Variants in BANK1 observed in about 807,000 individuals in gnomAD.
The protein encoded by BANK1 is B-cell scaffold protein with ankyrin repeats.
A neutral mutation model predicts 94.5 loss-of-function variants in BANK1; 95 were observed. The observed-to-expected ratio is 1.00, with a 90% confidence interval of 0.85 to 1.19. BANK1 has a LOEUF of 1.19. Ranked by LOEUF, BANK1 falls within the 50% of genes most tolerant of loss-of-function variation. BANK1 has a pLI of 0.00. For synonymous variants in BANK1, 334 were observed against 308.4 expected (o/e 1.08, Z -0.87); for missense variants, 987 against 932.2 (o/e 1.06, Z -0.77).
At chr4:101,815,706 C>CT (rs1267674588) in intron 1 of BANK1, among the ~76,000 whole-genome samples, 1 of 151,942 alleles carries the variant, frequency 6.6e-6, no homozygotes, top group Non-Finnish European at 1.5e-5. Flanking sequence ...TTTAAGTACT[C>CT]TGTTAAGGAG....
In BANK1 at chr4:101,822,646, C is replaced by T. The variant is rs559304882; in HGVS notation, c.71-7162C>T. Reference sequence around the variant, plus strand: ...TTTTTTTTTTTTTGAGACAGAGTCTCGCTCTGTTGCCCAGGCTGGAGTGCG... The same window carrying T: ...TTTTTTTTTTTTTGAGACAGAGTCTTGCTCTGTTGCCCAGGCTGGAGTGCG... On this transcript the variant is annotated intron_variant, in intron 1 of 16. Transcript: ENST00000322953. 4.3e-3 allele frequency among the ~76,000 whole-genome samples: 645 copies of T among 148,578 alleles called. 6 individuals are homozygous for T. The highest frequency in any genetic ancestry group is 0.015 in the African/African-American group (611 of 40,352).
intron 5 of BANK1, among the ~76,000 whole-genome samples, chr4:101,875,455 A>G (rs1728453470): frequency 6.6e-6 from 1 of 152,120 alleles, no homozygotes; most frequent in Non-Finnish European, 1.5e-5. Context: ...ATGGTGGAAG[A>G]TGAAGGGGAA....
At chr4:101,908,288 A>C (rs1722535315) in intron 6 of BANK1, among the ~76,000 whole-genome samples, 1 of 152,224 alleles carries the variant, frequency 6.6e-6, no homozygotes, top group African/African-American at 2.4e-5. Context: ...CAAACCTGAC[A>C]AAAACAAGAA....
intron 7 of BANK1, among the ~76,000 whole-genome samples, chr4:102,007,144 TTTTA>T (rs56866033): frequency 0.09 from 7,545 of 83,486 alleles, 1,095 homozygotes; most frequent in African/African-American, 0.28. Context: ...AAAAAATATA[TTTTA>T]TATATATATA....
chr4:102,053,983 T>C (rs79183489), intron 11 of BANK1, among the ~76,000 whole-genome samples: 5,549 of 152,040 alleles, frequency 0.036, 352 homozygotes, highest in African/African-American at 0.13. Flanking sequence ...TATATATGTC[T>C]TTATAACCAC....
At chr4:101,877,013 G>T (rs1419048348) in intron 5 of BANK1, among the ~76,000 whole-genome samples, 1 of 138,838 alleles carries the variant, frequency 7.2e-6, no homozygotes, top group Non-Finnish European at 1.6e-5. Flanking sequence ...AGGAGAAAAA[G>T]AAAAAAAAAA....
intron 7 of BANK1, among the ~76,000 whole-genome samples, chr4:101,966,282 G>A (rs184557665): frequency 6.6e-6 from 1 of 151,854 alleles, no homozygotes; most frequent in Non-Finnish European, 1.5e-5. Flanking sequence ...ATTTAGGGAA[G>A]CTTTTAAAAA....
intron 5 of BANK1, among the ~76,000 whole-genome samples, chr4:101,871,759 C>CA (rs1285830721): frequency 6.6e-6 from 1 of 152,018 alleles, no homozygotes; most frequent in Admixed American, 6.6e-5. Flanking sequence ...ATATTCATAA[C>CA]AAAAAAGATT....
chr4:102,053,554 A>G (rs556175820), intron 11 of BANK1, among the ~76,000 whole-genome samples: 2 of 152,204 alleles, frequency 1.3e-5, no homozygotes, highest in African/African-American at 2.4e-5. Context: ...GAAAATAAAT[A>G]TAAGAATTTT....
At chr4:101,992,725 CAT>C (rs576187853) in intron 7 of BANK1, among the ~76,000 whole-genome samples, 114 of 152,264 alleles carry the variant, frequency 7.5e-4, no homozygotes, top group African/African-American at 2.7e-3. Context: ...AAGTTCATAA[CAT>C]ATGCTAGATG....
chr4:101,869,804 C>A (rs1353326187), intron 4 of BANK1, among the ~76,000 whole-genome samples: 3 of 151,844 alleles, frequency 2.0e-5, no homozygotes, highest in African/African-American at 7.2e-5. Context: ...CACTAAAACA[C>A]AATAACTTTT....
At chr4:101,871,240 A>G (rs996412736) in intron 5 of BANK1, among the ~76,000 whole-genome samples, 24 of 152,094 alleles carry the variant, frequency 1.6e-4, no homozygotes, top group African/African-American at 5.3e-4. Context: ...GTGAAATGCC[A>G]TTTCTATTTA....
intron 6 of BANK1, among the ~76,000 whole-genome samples, chr4:101,899,575 T>C (rs991024398): frequency 6.6e-6 from 1 of 152,224 alleles, no homozygotes; most frequent in Non-Finnish European, 1.5e-5. Context: ...TTCAAAATTA[T>C]ACTATTGTTA....
chr4:101,943,354 A>G (rs983390544), intron 7 of BANK1, among the ~76,000 whole-genome samples: 1 of 151,928 alleles, frequency 6.6e-6, no homozygotes, highest in African/African-American at 2.4e-5. Context: ...GGGAACATCA[A>G]ACGCAAGAGA....
chr4:102,070,035 G>T (rs10024352), intron 13 of BANK1, among the ~76,000 whole-genome samples: 9 of 152,136 alleles, frequency 5.9e-5, no homozygotes, highest in Non-Finnish European at 1.3e-4. Context: ...CAGGCCTGCA[G>T]CAACCCCAAT....
intron 6 of BANK1, among the ~76,000 whole-genome samples, chr4:101,913,705 A>G (rs535404170): frequency 5.3e-5 from 8 of 152,220 alleles, no homozygotes; most frequent in Admixed American, 1.3e-4. Context: ...CTCTTGCTCA[A>G]TCTGCCACTA....
In BANK1 at chr4:102,074,004, G is replaced by T. The variant is rs1728840984; in HGVS notation, c.*6-1G>T. 1 of 261,742 alleles carries T rather than the reference G, an allele frequency of 3.8e-6. No individual in the cohort carries two copies. The highest frequency in any genetic ancestry group is 7.1e-6 in the Non-Finnish European group (1 of 140,110). 16.2% of individuals were successfully genotyped at this position (261,742 alleles called of 1,614,324 possible). On this transcript the variant is annotated splice_acceptor_variant, in intron 16 of 16. Coordinates refer to ENST00000322953, the MANE Select transcript of BANK1 (RefSeq NM_017935.5). LOFTEE classifies it low-confidence loss of function (3UTR_SPLICE). ...TACATTTCCTATTTTCTCATTTCCA[G>T]GTTATTATAATGAAACTCACGAATC...
chr4:102,058,905 G>A (rs991992594), intron 11 of BANK1, among the ~76,000 whole-genome samples: 3 of 152,082 alleles, frequency 2.0e-5, no homozygotes, highest in African/African-American at 7.2e-5. Flanking sequence ...CTGTGCACGT[G>A]AATCTTTTTG....
intron 8 of BANK1, among the ~76,000 whole-genome samples, chr4:102,022,498 A>G (rs1560692031): frequency 6.6e-6 from 1 of 152,168 alleles, no homozygotes; most frequent in Non-Finnish European, 1.5e-5. Context: ...GTTTACTGCA[A>G]TAACACAGTG....
Sources: allele counts gnomAD v4.1 joint callset (sites outside exome capture counted in the v4.1 genomes callset), GRCh38; gene constraint gnomAD v4.1.1; transcripts MANE v1.5; gene names NCBI Gene and HGNC (gene_info 2026-07-23, HGNC 2026-07-21).